The following UBAP2 variants were observed in gnomAD, a reference collection of about 807,000 sequenced individuals.
UBAP2 encodes ubiquitin-associated protein 2.
In UBAP2, 75 loss-of-function variants were observed where a neutral mutation model predicts 139.6. The observed-to-expected ratio is 0.54, with a 90% CI of 0.45 to 0.65. The LOEUF is 0.65. Among genes scored for constraint, UBAP2 ranks in the 30% least tolerant of loss-of-function variants. UBAP2 has a pLI of 0.00. For missense variants in UBAP2, 1,368 were observed against 1,369.6 expected, an observed-to-expected ratio of 1.00 and a Z score of 0.02; for synonymous variants, 526 against 526.2, an observed-to-expected ratio of 1.00 and a Z score of 0.01.
intron 1 of UBAP2, among the ~76,000 whole-genome samples, chr9:34,029,398 G>A (rs1317575577): frequency 5.9e-5 from 9 of 151,836 alleles, no homozygotes; most frequent in African/African-American, 1.5e-4. Context: ...ATGTGGTGGC[G>A]GGTACCTATA....
At chr9:33,935,167 G>C (rs1052538188) in intron 17 of UBAP2, among the ~76,000 whole-genome samples, 5 of 143,234 alleles carry the variant, frequency 3.5e-5, no homozygotes, top group African/African-American at 1.3e-4. Flanking sequence ...AAGTGGCGGG[G>C]GGGGGGGGTC....
chr9:33,922,891 G>A lies in UBAP2; in HGVS notation c.3073-13C>T. On this transcript the variant is annotated splice_polypyrimidine_tract_variant and intron_variant, in intron 27 of 28. Coordinates refer to ENST00000379238, the MANE Select transcript of UBAP2 (RefSeq NM_001370062.2). Reference sequence around the variant, plus strand: ...GCTTGTCAAAAGTCTACAGGGCAAAGAAGACAATGGTGAAGGTCAGGTTGG... The same window carrying A: ...GCTTGTCAAAAGTCTACAGGGCAAAAAAGACAATGGTGAAGGTCAGGTTGG... 1.2e-6 allele frequency: 2 copies of A among 1,610,142 alleles called. No individual in the cohort carries two copies. The highest frequency in any genetic ancestry group is 1.7e-6 in the Non-Finnish European group (2 of 1,177,400).
chr9:33,959,587 C>A (rs990368235), intron 10 of UBAP2, among the ~76,000 whole-genome samples: 6 of 152,034 alleles, frequency 3.9e-5, no homozygotes, highest in African/African-American at 1.4e-4. Flanking sequence ...TCCCTTTTTT[C>A]TCTTTATTAT....
At chr9:33,949,185 T>A (rs975423220) in intron 12 of UBAP2, among the ~76,000 whole-genome samples, 4 of 141,268 alleles carry the variant, frequency 2.8e-5, no homozygotes, top group Non-Finnish European at 6.2e-5. Flanking sequence ...AATAAATAAA[T>A]AAATAAAAAT....
chr9:33,988,913 G>A lies in UBAP2; in HGVS notation c.442+60C>T, dbSNP rs1821435431. 1.9e-6 allele frequency: 3 copies of A among 1,548,978 alleles called. No individual in the cohort carries two copies. In the South Asian group the frequency reaches 3.8e-5, roughly 20 times the overall value. On this transcript the variant is annotated intron_variant, in intron 5 of 28. Coordinates refer to ENST00000379238, the MANE Select transcript of UBAP2 (RefSeq NM_001370062.2). ...TAATCCCAAAACTTTGGGAGGCTGA[G>A]GCGGGAGGGTCACTTGAGATGAAAG...
intron 8 of UBAP2, among the ~76,000 whole-genome samples, chr9:33,965,955 C>A (rs1827414954): frequency 6.6e-6 from 1 of 151,456 alleles, no homozygotes; most frequent in Admixed American, 6.6e-5. Context: ...GAGGCTGAGG[C>A]AGGAGAATGG....
chr9:33,942,245 G>A (rs1380938112), intron 15 of UBAP2, among the ~76,000 whole-genome samples: 1 of 152,184 alleles, frequency 6.6e-6, no homozygotes, highest in Non-Finnish European at 1.5e-5. Context: ...TCGGGAGGCA[G>A]AGGTTGCAGT....
intron 18 of UBAP2, 51 bp downstream of exon 18, chr9:33,933,439 C>T: frequency 6.3e-7 from 1 of 1,598,908 alleles, no homozygotes; most frequent in Non-Finnish European, 8.5e-7. Flanking sequence ...ACAGGAGCTC[C>T]AGGACTTGCC....
chr9:33,973,184 C>T lies in UBAP2; in HGVS notation c.574G>A (p.Gly192Arg). ...AAAAATAGGATGGCTATCACTTACCCCATGCCTTGGGTTGAGAACCTTCCT... is the reference window on the plus strand; with the variant it reads ...AAAAATAGGATGGCTATCACTTACCTCATGCCTTGGGTTGAGAACCTTCCT... ...GAGRFSTQGM[G>R]TFNPADYSDS... Residue 192 changes from glycine (G) to arginine (R), a missense_variant and splice_region_variant, in exon 7 of 29, where the codon GGG (glycine) becomes AGG (arginine). By Grantham distance (125) the Gly-to-Arg change is moderately radical. Transcript: ENST00000379238. 3.7e-6 allele frequency: 6 copies of T among 1,613,836 alleles called. No individual in the cohort carries two copies. The highest frequency in any genetic ancestry group is 4.2e-6 in the Non-Finnish European group (5 of 1,179,848).
In UBAP2 at chr9:33,923,219, G is replaced by A. The variant is rs765520358; in HGVS notation, c.2971C>T (p.Pro991Ser). 3 of 1,614,090 alleles carry A rather than the reference G, an allele frequency of 1.9e-6. No individual in the cohort carries two copies. The highest frequency in any genetic ancestry group is 1.3e-5 in the African/African-American group (1 of 74,930). ...GGCCCAGAACCTGCAGACTTGTTTGGTGCCTGCGATGATCCAGCATAGCCA... is the reference window on the plus strand; with the variant it reads ...GGCCCAGAACCTGCAGACTTGTTTGATGCCTGCGATGATCCAGCATAGCCA... ...KGGYAGSSQAPNKSAGSGPGK... is the reference protein window; with the variant it reads ...KGGYAGSSQASNKSAGSGPGK... Residue 991 changes from proline to serine, a missense_variant, in exon 26 of 29, where the codon CCA (proline) becomes TCA (serine). Physicochemically the swap from Pro to Ser is moderately conservative, Grantham distance 74 (BLOSUM62 -1). Coordinates refer to ENST00000379238, the MANE Select transcript of UBAP2 (RefSeq NM_001370062.2).
chr9:34,005,434 CAAAAAAAAA>C (rs36086568), intron 2 of UBAP2, among the ~76,000 whole-genome samples: 1 of 86,280 alleles, frequency 1.2e-5, no homozygotes, highest in East Asian at 3.4e-4. Flanking sequence ...GACCCTGTCT[CAAAAAAAAA>C]AAAAAAAAAA....
At chr9:33,990,195 A>G (rs998367744) in intron 4 of UBAP2, among the ~76,000 whole-genome samples, 1 of 152,202 alleles carries the variant, frequency 6.6e-6, no homozygotes, top group Non-Finnish European at 1.5e-5. Context: ...CTTATTCATA[A>G]TCTGCCTTAT....
chr9:34,018,667 T>C (rs7044772), intron 1 of UBAP2, among the ~76,000 whole-genome samples: 21,241 of 151,978 alleles, frequency 0.14, 1,672 homozygotes, highest in South Asian at 0.33. Flanking sequence ...ATCGAGACCA[T>C]CCTGGCTAAC....
chr9:33,930,636 G>A (rs1309729540), intron 19 of UBAP2, among the ~76,000 whole-genome samples: 2 of 152,108 alleles, frequency 1.3e-5, no homozygotes, highest in African/African-American at 4.8e-5. Context: ...GGTGGTTCAC[G>A]CCTGTAATCC....
intron 9 of UBAP2, 99 bp from the exon 10 acceptor site, chr9:33,960,977 A>G (rs1416961599): frequency 9.0e-7 from 1 of 1,111,012 alleles, no homozygotes; most frequent in East Asian, 2.4e-5. Flanking sequence ...GAAAAAAGAT[A>G]CATACGCCTC....
chr9:34,040,281 G>A (rs1196953200), intron 1 of UBAP2, among the ~76,000 whole-genome samples: 1 of 127,626 alleles, frequency 7.8e-6, no homozygotes, highest in Non-Finnish European at 1.6e-5. Context: ...CCGAGCCCAC[G>A]CCATTGCACT....
At chr9:34,009,400 A>G (rs1456270066) in intron 2 of UBAP2, among the ~76,000 whole-genome samples, 2 of 151,740 alleles carry the variant, frequency 1.3e-5, no homozygotes, top group Non-Finnish European at 2.9e-5. Flanking sequence ...CACCTGGCCA[A>G]AAAGGTTTTT....
chr9:34,016,398 GGTGGTGGT>G (rs1824346768), intron 2 of UBAP2, among the ~76,000 whole-genome samples: 1 of 141,290 alleles, frequency 7.1e-6, no homozygotes, highest in East Asian at 2.0e-4. Flanking sequence ...TGGTGGTGGT[GGTGGTGGT>G]GGTGGTGGCA....
chr9:33,935,163 C>CGGG lies in UBAP2; in HGVS notation c.1969+673_1969+675dup, dbSNP rs11317017. Among the ~76,000 whole-genome samples, 198 of 87,766 alleles carry CGGG rather than the reference C, an allele frequency of 2.3e-3. 3 individuals carry two copies. The highest frequency in any genetic ancestry group is 3.3e-3 in the Non-Finnish European group (134 of 40,312). 57.6% of individuals were successfully genotyped at this position (87,766 alleles called of 152,430 possible). On this transcript the variant is annotated intron_variant, in intron 17 of 28. Transcript: ENST00000379238. ...GTAATCACTGAGCTGTTGGAAGTGG[C>CGGG]GGGGGGGGGGGGTCTCATTTTCTCC...
Sources: gnomAD v4.1 joint callset for allele counts (sites outside exome capture counted in the v4.1 genomes callset) on GRCh38, gnomAD v4.1.1 for gene constraint, MANE v1.5 for transcripts, NCBI Gene and HGNC (gene_info 2026-07-23, HGNC 2026-07-21) for gene names.